Variants in CD1B observed in about 807,000 individuals in gnomAD.
CD1B encodes the protein T-cell surface glycoprotein CD1b.
In CD1B, 43 loss-of-function variants were observed where a neutral mutation model predicts 39.8. The observed-to-expected ratio is 1.08, with a 90% CI of 0.85 to 1.39. CD1B has a LOEUF of 1.39. CD1B is among the 40% of genes most tolerant of loss of function. The pLI, the probability that CD1B is intolerant of heterozygous loss-of-function variation, is 0.00. For synonymous variants in CD1B, 192 were observed against 152.5 expected (o/e 1.26, Z -1.91); for missense variants, 495 against 403.8 (o/e 1.23, Z -1.94).
chr1:158,305,119 T>C, the CD1B span, among the ~76,000 whole-genome samples: 1 of 152,064 alleles, frequency 6.6e-6, no homozygotes, highest in South Asian at 2.1e-4. Flanking sequence ...GAAGAAGGCA[T>C]CAGACGATCA....
the CD1B span, among the ~76,000 whole-genome samples, chr1:158,286,525 G>A: frequency 6.6e-6 from 1 of 152,150 alleles, no homozygotes; most frequent in Non-Finnish European, 1.5e-5. Context: ...TAAGGATCAC[G>A]TTTTCCATGG....
chr1:158,306,396 T>A, the CD1B span, among the ~76,000 whole-genome samples: 429 of 152,290 alleles, frequency 2.8e-3, 1 homozygote, highest in African/African-American at 9.8e-3. Flanking sequence ...TAAATATTTA[T>A]CCACCCAATA....
chr1:158,328,161 TAA>T lies in CD1B; in HGVS notation c.*73_*74del, dbSNP rs2101710634. 1.9e-6 allele frequency: 2 copies of T among 1,059,452 alleles called. No individual in the cohort carries two copies. The highest frequency in any genetic ancestry group is 4.1e-5 in the Admixed American group (2 of 48,768). 65.6% of individuals were successfully genotyped at this position (1,059,452 alleles called of 1,614,324 possible). A position where few individuals can be genotyped will look rare whatever the true frequency, so the allele number is the denominator to read the frequency against. On this transcript the variant is annotated 3_prime_UTR_variant, in exon 6 of 6. Transcript: ENST00000368168. ...AATTTGAAAATCATTTGAAATATGA[TAA>T]GATTGACTTTTGGGCTGATATCTTG...
the CD1B span, among the ~76,000 whole-genome samples, chr1:158,316,673 G>A: frequency 1.3e-5 from 2 of 150,798 alleles, no homozygotes; most frequent in African/African-American, 2.5e-5. Context: ...TAATTGCCCT[G>A]GCCAGAACTT....
At chr1:158,300,719 C>A in the CD1B span, among the ~76,000 whole-genome samples, 3 of 150,544 alleles carry the variant, frequency 2.0e-5, no homozygotes, top group Admixed American at 6.6e-5. Flanking sequence ...GAATTGATTC[C>A]TTTACCATTA....
chr1:158,321,704 T>C, the CD1B span, among the ~76,000 whole-genome samples: 1 of 152,248 alleles, frequency 6.6e-6, no homozygotes, highest in Non-Finnish European at 1.5e-5. Flanking sequence ...GTGGTTATCA[T>C]GAGGCTTTGA....
downstream of CD1B, chr1:158,327,844 A>G (rs1652415579): frequency 6.0e-6 from 1 of 166,976 alleles, no homozygotes; most frequent in Admixed American, 6.1e-5. Context: ...ATCTCTGCAA[A>G]TACAGTGATT....
chr1:158,295,310 C>A, the CD1B span, among the ~76,000 whole-genome samples: 2 of 152,058 alleles, frequency 1.3e-5, no homozygotes, highest in Admixed American at 1.3e-4. Context: ...GAACCCTACA[C>A]AGGGTTGCCA....
chr1:158,303,338 A>G, the CD1B span, among the ~76,000 whole-genome samples: 2 of 152,338 alleles, frequency 1.3e-5, no homozygotes, highest in African/African-American at 4.8e-5. Context: ...TGAATAAACA[A>G]AAGCTTGAAG....
chr1:158,311,409 A>G, the CD1B span, among the ~76,000 whole-genome samples: 2 of 152,120 alleles, frequency 1.3e-5, no homozygotes, highest in Non-Finnish European at 2.9e-5. Context: ...TGAGTTCCTT[A>G]TATATTCTGG....
the CD1B span, among the ~76,000 whole-genome samples, chr1:158,305,199 G>T: frequency 6.6e-6 from 1 of 152,108 alleles, no homozygotes; most frequent in Non-Finnish European, 1.5e-5. Context: ...AAAAAAATTA[G>T]ATGAATGGCT....
the CD1B span, among the ~76,000 whole-genome samples, chr1:158,320,910 T>G: frequency 6.6e-6 from 1 of 152,316 alleles, no homozygotes; most frequent in Admixed American, 6.5e-5. Context: ...TGTTAAGACT[T>G]TTATTGCAGC....
the CD1B span, among the ~76,000 whole-genome samples, chr1:158,313,601 C>A: frequency 1.3e-5 from 2 of 152,160 alleles, no homozygotes; most frequent in African/African-American, 4.8e-5. Flanking sequence ...TGAGCAACCA[C>A]TTCTGTCCTG....
At chr1:158,331,173 C>T in intron 1 of CD1B, 111 bp from the exon 2 acceptor site, 1 of 1,237,944 alleles carries the variant, frequency 8.1e-7, no homozygotes, top group East Asian at 2.3e-5. Context: ...GTCTAAAGAA[C>T]ACAGGAAGTC....
At chr1:158,319,872 C>T in the CD1B span, among the ~76,000 whole-genome samples, 1 of 152,080 alleles carries the variant, frequency 6.6e-6, no homozygotes, top group Non-Finnish European at 1.5e-5. Context: ...GTTAGTTTTC[C>T]TTCTAACAGA....
downstream of CD1B, among the ~76,000 whole-genome samples, chr1:158,324,281 A>T (rs1652276787): frequency 1.3e-5 from 2 of 152,188 alleles, no homozygotes; most frequent in Non-Finnish European, 2.9e-5. Flanking sequence ...GCTGGTCTGC[A>T]ATCCCAAAGC....
chr1:158,318,679 G>T, the CD1B span, among the ~76,000 whole-genome samples: 5 of 152,072 alleles, frequency 3.3e-5, no homozygotes, highest in Non-Finnish European at 5.9e-5. Flanking sequence ...AGTTAATATT[G>T]TTATGTGTGA....
chr1:158,303,650 C>A, the CD1B span, among the ~76,000 whole-genome samples: 2 of 152,036 alleles, frequency 1.3e-5, no homozygotes, highest in African/African-American at 4.8e-5. Flanking sequence ...AGAGCTAAAT[C>A]AAGAACACAA....
chr1:158,315,467 G>T, the CD1B span, among the ~76,000 whole-genome samples: 1 of 151,950 alleles, frequency 6.6e-6, no homozygotes. Flanking sequence ...TTTGAGAAGT[G>T]TCTGTTCATG....
Sources: allele counts gnomAD v4.1 joint callset (sites outside exome capture counted in the v4.1 genomes callset), GRCh38; gene constraint gnomAD v4.1.1; transcripts MANE v1.5; gene names NCBI Gene and HGNC (gene_info 2026-07-23, HGNC 2026-07-21).